Variants in KCTD14 observed in about 807,000 individuals in gnomAD.
The protein encoded by KCTD14 is BTB/POZ domain-containing protein KCTD14.
KCTD14 carries 7 observed loss-of-function variants against 5.9 expected under a neutral mutation model. The observed-to-expected ratio is 1.19, with a 90% confidence interval of 0.68 to 2.23. The LOEUF (loss-of-function observed/expected upper bound fraction) is 2.23. Ranked by LOEUF, KCTD14 falls within the 30% of genes most tolerant of loss-of-function variation. The probability of loss-of-function intolerance (pLI) is 0.00; values close to 1 mark genes in which losing one functional copy is unlikely to be tolerated. For synonymous variants in KCTD14, 140 were observed against 133.1 expected (o/e 1.05, Z -0.36); for missense variants, 342 against 332.2 (o/e 1.03, Z -0.23).
chr11:78,018,467 G>A (rs1164919623), intron 1 of KCTD14, among the ~76,000 whole-genome samples: 1 of 152,114 alleles, frequency 6.6e-6, no homozygotes, highest in East Asian at 1.9e-4. Context: ...AGCACTTTGG[G>A]AGACCGAGGT....
At chr11:78,032,848 T>G (rs1333829102) in intron 2 of KCTD14, among the ~76,000 whole-genome samples, 1 of 151,874 alleles carries the variant, frequency 6.6e-6, no homozygotes, top group Non-Finnish European at 1.5e-5. Context: ...CCAGCTAATT[T>G]TTAAATTTTT....
chr11:78,030,168 T>A (rs544585809), intron 2 of KCTD14, among the ~76,000 whole-genome samples: 2 of 151,784 alleles, frequency 1.3e-5, no homozygotes, highest in Non-Finnish European at 1.5e-5. Flanking sequence ...GCTTCTTTTT[T>A]CCCCCCCTCC....
chr11:78,017,718 G>A (rs977847828), intron 1 of KCTD14, among the ~76,000 whole-genome samples: 5 of 152,016 alleles, frequency 3.3e-5, no homozygotes, highest in East Asian at 1.9e-4. Flanking sequence ...GTGCCCGGCC[G>A]AGGGTGGGCA....
At chr11:78,032,992 T>C (rs1857671799) in intron 2 of KCTD14, among the ~76,000 whole-genome samples, 1 of 152,062 alleles carries the variant, frequency 6.6e-6, no homozygotes, top group Non-Finnish European at 1.5e-5. Flanking sequence ...ATAGTCTACT[T>C]CAAATCTACC....
upstream of KCTD14, among the ~76,000 whole-genome samples, chr11:78,025,910 A>T (rs997144304): frequency 1.3e-5 from 2 of 152,184 alleles, no homozygotes. Context: ...ACATTGGGGA[A>T]ACTGATCAAT....
upstream of KCTD14, among the ~76,000 whole-genome samples, chr11:78,026,122 G>T (rs1272310566): frequency 6.6e-6 from 1 of 152,102 alleles, no homozygotes; most frequent in Non-Finnish European, 1.5e-5. Context: ...CTACAACTTG[G>T]TTTTATATAT....
upstream of KCTD14, among the ~76,000 whole-genome samples, chr11:78,026,174 C>A (rs769855468): frequency 6.6e-6 from 1 of 152,266 alleles, no homozygotes; most frequent in African/African-American, 2.4e-5. Context: ...TGGTGACTCA[C>A]GCCTGTAATC....
Position 78,016,639 on chromosome 11 carries a change from T to G in KCTD14, c.722A>C (p.Asn241Thr). 2 of 1,614,120 alleles carry G rather than the reference T, an allele frequency of 1.2e-6. No individual in the cohort carries two copies. The highest frequency in any genetic ancestry group is 1.7e-6 in the Non-Finnish European group (2 of 1,180,000). Residue 241 changes from asparagine (N) to threonine (T), a missense_variant, in exon 2 of 2, where the codon AAC becomes ACC. Coordinates refer to ENST00000353172, the MANE Select transcript of KCTD14 (RefSeq NM_023930.4). ...TGAATAAATGTTAAAATGGAATTCGTTTCTTTTGGTGGGGTACGTCAGGTA... is the reference window on the plus strand; with the variant it reads ...TGAATAAATGTTAAAATGGAATTCGGTTCTTTTGGTGGGGTACGTCAGGTA... ...KFYLTYPTKR[N>T]EFHFNIYSFT...
At chr11:78,025,118 G>GTGTGTATA (rs1230114793), upstream of KCTD14, among the ~76,000 whole-genome samples, 103 of 44,466 alleles carry the variant, frequency 2.3e-3, no homozygotes, top group East Asian at 0.016. Context: ...GTGTGTGTGT[G>GTGTGTATA]TATATATATA....
At chr11:78,039,069 A>C (rs1857910225) in intron 1 of KCTD14, among the ~76,000 whole-genome samples, 1 of 32,182 alleles carries the variant, frequency 3.1e-5, no homozygotes, top group South Asian at 1.7e-3. Context: ...TTTAGATTAC[A>C]AAAAAAAAAA....
intron 1 of KCTD14, chr11:78,022,859 A>G: frequency 3.1e-6 from 1 of 319,516 alleles, no homozygotes; most frequent in Non-Finnish European, 5.8e-6. Flanking sequence ...CCGGTGGGGA[A>G]GAGACAAGGG....
At chr11:78,031,780 A>C (rs2372897) in intron 2 of KCTD14, among the ~76,000 whole-genome samples, 1 of 152,012 alleles carries the variant, frequency 6.6e-6, no homozygotes, top group Non-Finnish European at 1.5e-5. Flanking sequence ...GAACCAGGGG[A>C]CAAGAGCTAA....
intron 1 of KCTD14, among the ~76,000 whole-genome samples, chr11:78,018,578 G>A (rs779210209): frequency 4.0e-5 from 6 of 151,732 alleles, no homozygotes; most frequent in South Asian, 2.1e-4. Flanking sequence ...ATGGTGGCAC[G>A]TGCCTATAGT....
intron 2 of KCTD14, among the ~76,000 whole-genome samples, chr11:78,035,126 A>G (rs1857751104): frequency 6.6e-6 from 1 of 152,110 alleles, no homozygotes; most frequent in South Asian, 2.1e-4. Context: ...CAATGGGTAT[A>G]TCTGTCACTT....
chr11:78,039,437 G>A (rs922464836), intron 1 of KCTD14, among the ~76,000 whole-genome samples: 3 of 152,084 alleles, frequency 2.0e-5, no homozygotes, highest in Non-Finnish European at 2.9e-5. Flanking sequence ...GCTGAGGCGG[G>A]AGGATTGCTT....
chr11:78,032,277 C>G (rs570694492), intron 2 of KCTD14, among the ~76,000 whole-genome samples: 1 of 152,350 alleles, frequency 6.6e-6, no homozygotes, highest in South Asian at 2.1e-4. Flanking sequence ...AGAACCTGCT[C>G]AGTTTCAGCC....
At chr11:78,017,958 G>T (rs1857215142) in intron 1 of KCTD14, among the ~76,000 whole-genome samples, 1 of 151,922 alleles carries the variant, frequency 6.6e-6, no homozygotes, top group African/African-American at 2.4e-5. Context: ...TTAGCCAGGT[G>T]TGATGGCACG....
upstream of KCTD14, among the ~76,000 whole-genome samples, chr11:78,028,056 C>T (rs568463262): frequency 1.2e-3 from 189 of 152,150 alleles, 1 homozygote; most frequent in African/African-American, 3.2e-3. Context: ...ATGCCCTTGG[C>T]CAGAAGGAGG....
intron 1 of KCTD14, among the ~76,000 whole-genome samples, chr11:78,043,357 A>G (rs1022807292): frequency 5.3e-5 from 8 of 152,248 alleles, no homozygotes; most frequent in Admixed American, 6.5e-5. Context: ...AATAACTGTC[A>G]TCGCTAAAAA....
Sources: allele counts gnomAD v4.1 joint callset (sites outside exome capture counted in the v4.1 genomes callset), GRCh38; gene constraint gnomAD v4.1.1; transcripts MANE v1.5; gene names NCBI Gene and HGNC (gene_info 2026-07-23, HGNC 2026-07-21).